Variants in DCC observed in about 807,000 individuals in gnomAD.
DCC encodes the protein netrin receptor DCC.
A neutral mutation model predicts 172.5 loss-of-function variants in DCC; 58 were observed. The observed-to-expected ratio is 0.34, with a 90% CI of 0.27 to 0.42. The LOEUF (loss-of-function observed/expected upper bound fraction) is 0.42, where lower values mean the gene tolerates loss of function less well. DCC is among the 10% of genes least tolerant of loss of function. The probability of loss-of-function intolerance (pLI) is 1.00; values close to 1 mark genes in which losing one functional copy is unlikely to be tolerated. For synonymous variants in DCC, 709 were observed against 644.5 expected, an observed-to-expected ratio of 1.10 and a Z score of -1.52; for missense variants, 1,740 against 1,791.0, an observed-to-expected ratio of 0.97 and a Z score of 0.51.
At chr18:52,640,925 A>G (rs1459051735) in intron 1 of DCC, among the ~76,000 whole-genome samples, 1 of 152,220 alleles carries the variant, frequency 6.6e-6, no homozygotes, top group Non-Finnish European at 1.5e-5. Context: ...CTAAACAAAA[A>G]GAACAAAACT....
intron 2 of DCC, among the ~76,000 whole-genome samples, chr18:52,846,608 AACACACACACACACACACACACACAC>A (rs71175524): frequency 1.5e-5 from 2 of 130,590 alleles, no homozygotes; most frequent in Non-Finnish European, 3.2e-5. Flanking sequence ...TGCCACTCCA[AACACACACACACACACACACACACAC>A]ACACACACAC....
At position 52,923,835 on chromosome 18, in the gene DCC, G is replaced by A; in HGVS notation, c.826G>A (p.Gly276Ser). Residue 276 changes from glycine (G) to serine (S), a missense_variant, in exon 4 of 29, where the codon GGC (glycine) becomes AGC (serine). Transcript: ENST00000442544. ...YPPPSFTWLRGEEVIQLRSKK... is the reference protein window; with the variant it reads ...YPPPSFTWLRSEEVIQLRSKK... The stretch of plus-strand genomic sequence containing the variant: ...TCCACCAAGTTTTACCTGGTTACGA[G>A]GCGAGGAAGTCATCCAACTCAGGTA... 6.2e-7 allele frequency: 1 copy of A among 1,613,308 alleles called. No homozygotes were observed. The highest frequency in any genetic ancestry group is 8.5e-7 in the Non-Finnish European group (1 of 1,179,528).
At chr18:52,673,178 G>A (rs777045145) in intron 1 of DCC, among the ~76,000 whole-genome samples, 49 of 152,176 alleles carry the variant, frequency 3.2e-4, no homozygotes, top group Non-Finnish European at 6.2e-4. Flanking sequence ...AGAGACACTC[G>A]TTATATGATA....
chr18:53,196,194 C>T (rs556293987), intron 9 of DCC, among the ~76,000 whole-genome samples: 2 of 152,222 alleles, frequency 1.3e-5, no homozygotes, highest in African/African-American at 4.8e-5. Context: ...AAGTTTTTAT[C>T]TTCCGTTTGG....
chr18:52,887,454 G>T (rs2039586632), intron 2 of DCC, among the ~76,000 whole-genome samples: 1 of 152,088 alleles, frequency 6.6e-6, no homozygotes, highest in South Asian at 2.1e-4. Flanking sequence ...CCAGCAAAAG[G>T]TGAAGGTGTT....
chr18:53,426,352 ATT>A (rs1159179706), intron 21 of DCC, among the ~76,000 whole-genome samples: 2 of 144,602 alleles, frequency 1.4e-5, no homozygotes, highest in East Asian at 2.0e-4. Context: ...TTTATAATAT[ATT>A]TTATGATATA....
At chr18:52,364,480 A>G (rs1984757675) in intron 1 of DCC, among the ~76,000 whole-genome samples, 1 of 152,232 alleles carries the variant, frequency 6.6e-6, no homozygotes, top group South Asian at 2.1e-4. Flanking sequence ...AAGCTTAGCC[A>G]TCTATTATGA....
At chr18:52,914,898 C>A (rs939138027) in intron 3 of DCC, among the ~76,000 whole-genome samples, 3 of 152,172 alleles carry the variant, frequency 2.0e-5, no homozygotes, top group Middle Eastern at 6.8e-3. Flanking sequence ...GAAAATACCC[C>A]ACAGTAGCCT....
At chr18:53,510,921 A>G (rs57154412) in intron 27 of DCC, among the ~76,000 whole-genome samples, 15,746 of 152,162 alleles carry the variant, frequency 0.1, 2,489 homozygotes, top group African/African-American at 0.34. Flanking sequence ...TGTTTCACTC[A>G]GCTTTCTATC....
Position 53,134,323 on chromosome 18 carries a change from A to G in DCC, c.1262-23033A>G, listed in dbSNP as rs150969116. Among the ~76,000 whole-genome samples the G allele has an allele frequency of 2.5e-3, 380 of 152,292 alleles. 2 individuals are homozygous for G. The highest frequency in any genetic ancestry group is 8.9e-3 in the African/African-American group (368 of 41,580). On this transcript the variant is annotated intron_variant, in intron 7 of 28. Coordinates refer to ENST00000442544, the MANE Select transcript of DCC (RefSeq NM_005215.4). ...CTTTAATTATAGTTTTATATAATCT[A>G]TGCATGACAAGTCTGAATAATAATA...
At chr18:52,927,087 A>C (rs1470929383) in intron 5 of DCC, among the ~76,000 whole-genome samples, 1 of 93,710 alleles carries the variant, frequency 1.1e-5, no homozygotes, top group African/African-American at 3.9e-5. Context: ...GTGTATATAC[A>C]CGTATATACG....
chr18:53,040,958 C>CA (rs1173680034), intron 5 of DCC, among the ~76,000 whole-genome samples: 9 of 151,938 alleles, frequency 5.9e-5, no homozygotes, highest in Non-Finnish European at 1.5e-5. Flanking sequence ...CAATAGATTG[C>CA]AAAAAATTTC....
chr18:53,521,680 G>A (rs1464771308), intron 27 of DCC, among the ~76,000 whole-genome samples: 2 of 152,180 alleles, frequency 1.3e-5, no homozygotes, highest in Admixed American at 6.5e-5. Context: ...ATGTTAGAGT[G>A]AATTGATTTT....
chr18:52,630,446 T>C (rs551421195), intron 1 of DCC, among the ~76,000 whole-genome samples: 1 of 152,230 alleles, frequency 6.6e-6, no homozygotes, highest in South Asian at 2.1e-4. Context: ...TCTGTTTCCT[T>C]ATTCGTAAGT....
chr18:52,812,987 C>T (rs960124452), intron 2 of DCC, among the ~76,000 whole-genome samples: 8 of 152,174 alleles, frequency 5.3e-5, no homozygotes, highest in African/African-American at 1.9e-4. Flanking sequence ...ATTCAGTGAG[C>T]TGATCCACTT....
intron 1 of DCC, among the ~76,000 whole-genome samples, chr18:52,382,001 G>A (rs961650574): frequency 2.6e-5 from 4 of 152,116 alleles, no homozygotes; most frequent in Non-Finnish European, 4.4e-5. Context: ...CTGCCTCTTA[G>A]TTCCTTAAGG....
intron 7 of DCC, among the ~76,000 whole-genome samples, chr18:53,121,057 A>C (rs2043476466): frequency 6.6e-6 from 1 of 151,908 alleles, no homozygotes; most frequent in African/African-American, 2.4e-5. Context: ...ACACTTCATT[A>C]AATATGTAGA....
intron 1 of DCC, among the ~76,000 whole-genome samples, chr18:52,512,864 G>T (rs2031492523): frequency 6.6e-6 from 1 of 152,156 alleles, no homozygotes; most frequent in Non-Finnish European, 1.5e-5. Flanking sequence ...TGCTAAGGAT[G>T]ATGAACAAAA....
At chr18:53,187,813 G>C (rs1185867461) in intron 9 of DCC, among the ~76,000 whole-genome samples, 1 of 152,134 alleles carries the variant, frequency 6.6e-6, no homozygotes, top group Non-Finnish European at 1.5e-5. Context: ...AGTTGAGTTG[G>C]GACAGAATTT....
Sources: allele counts gnomAD v4.1 joint callset (sites outside exome capture counted in the v4.1 genomes callset), GRCh38; gene constraint gnomAD v4.1.1; transcripts MANE v1.5; gene names NCBI Gene and HGNC (gene_info 2026-07-23, HGNC 2026-07-21).